FAM83B: variants seen among roughly 807,000 people sequenced by gnomAD.
FAM83B encodes the protein scaffolding CK1 anchoring protein B, also known as protein FAM83B.
FAM83B carries 26 observed loss-of-function variants against 38.8 expected under a neutral mutation model. That is an observed-to-expected ratio of 0.67 (90% CI 0.49 to 0.93). The LOEUF is 0.93. Among genes scored for constraint, FAM83B ranks in the 40% least tolerant of loss-of-function variants. The pLI is 0.00. For synonymous variants in FAM83B, 419 were observed against 423.1 expected, an observed-to-expected ratio of 0.99 and a Z score of 0.12; for missense variants, 1,237 against 1,197.3, an observed-to-expected ratio of 1.03 and a Z score of -0.49.
intron 2 of FAM83B, among the ~76,000 whole-genome samples, chr6:54,886,613 G>A (rs1772281287): frequency 6.6e-6 from 1 of 151,860 alleles, no homozygotes; most frequent in African/African-American, 2.4e-5. Context: ...TGTTGGATTT[G>A]TGATGATGTT....
intron 2 of FAM83B, among the ~76,000 whole-genome samples, chr6:54,904,351 C>T (rs949437973): frequency 6.6e-6 from 1 of 152,080 alleles, no homozygotes; most frequent in African/African-American, 2.4e-5. Flanking sequence ...TTCTAAGGTA[C>T]CTGTGGAGTG....
rs76764667 is a variant in FAM83B at position 54,938,512 on chromosome 6, C to T, written c.735-1194C>T. ...GTGTAAAAATGTTCTCTTTTCACCA[C>T]ATGCATGCCAATGTCTATTAGTTTT... is the stretch of plus-strand genomic sequence containing the variant. On this transcript the variant is annotated intron_variant, in intron 4 of 4. Coordinates refer to ENST00000306858, the MANE Select transcript of FAM83B (RefSeq NM_001010872.3). Among the ~76,000 whole-genome samples, 260 of 152,236 alleles carry T rather than the reference C, an allele frequency of 1.7e-3. 1 individual carries two copies. The highest frequency in any genetic ancestry group is 5.6e-3 in the African/African-American group (234 of 41,558).
rs1187668130 is a variant in FAM83B, at chr6:54,941,208, T to G, written c.2237T>G (p.Val746Gly). The part of the protein sequence containing the change: ...KSVSIAALLD[V>G]NKEESNKELA... ...GTTTCCATTGCTGCTTTACTTGATG[T>G]GAATAAAGAGGAATCTAACAAAGAA... is the stretch of plus-strand genomic sequence containing the variant. The change falls in exon 5 of 5, where the codon GTG (valine) becomes GGG (glycine). Residue 746 changes from valine (V) to glycine (G), a missense_variant. Coordinates refer to ENST00000306858, the MANE Select transcript of FAM83B (RefSeq NM_001010872.3). The G allele has an allele frequency of 3.1e-6, 5 of 1,613,936 alleles. No homozygotes were observed. The highest frequency in any genetic ancestry group is 4.2e-6 in the Non-Finnish European group (5 of 1,179,966).
At chr6:54,883,683 A>AT (rs1214355743) in intron 2 of FAM83B, among the ~76,000 whole-genome samples, 3 of 151,100 alleles carry the variant, frequency 2.0e-5, no homozygotes, top group Admixed American at 6.6e-5. Context: ...ATTTGAAATA[A>AT]TTTTTTATGC....
rs370292018 is a variant in FAM83B, at chr6:54,940,088, C to T, written c.1117C>T (p.Arg373Cys). ...VPNFNGPNAI[R>C]QFQPNQINEN... ...TAACTTTAATGGTCCAAACGCAATA[C>T]GTCAGTTTCAACCCAATCAGATAAA... Residue 373 changes from arginine (R) to cysteine (C), a missense_variant, in exon 5 of 5, where the codon CGT becomes TGT. Arg to Cys is a radical substitution (Grantham distance 180). Coordinates refer to ENST00000306858, the MANE Select transcript of FAM83B (RefSeq NM_001010872.3). 33 of 1,613,836 alleles carry T rather than the reference C, an allele frequency of 2.0e-5. No homozygotes were observed. Among genetic ancestry groups the T allele is most frequent in the Non-Finnish European group, 2.5e-5 (30 of 1,179,996 alleles).
chr6:54,940,379 A>T lies in FAM83B; in HGVS notation c.1408A>T (p.Thr470Ser), dbSNP rs1423261404. ...NSNVRRSFNG[T>S]DNHIRFLQQR... ...AAATGTTCGGAGGTCTTTTAATGGG[A>T]CAGATAACCATATCCGCTTTTTGCA... Residue 470 changes from threonine (T) to serine (S), a missense_variant, in exon 5 of 5, where the codon ACA (threonine) becomes TCA (serine). By Grantham distance (58) the Thr-to-Ser change is moderately conservative. Coordinates refer to ENST00000306858, the MANE Select transcript of FAM83B (RefSeq NM_001010872.3). The T allele has an allele frequency of 6.2e-7, 1 of 1,614,098 alleles. No individual in the cohort carries two copies. Among genetic ancestry groups the T allele is most frequent in the Non-Finnish European group, 8.5e-7 (1 of 1,180,004 alleles).
chr6:54,914,199 T>C (rs1207330020), intron 2 of FAM83B, among the ~76,000 whole-genome samples: 1 of 152,156 alleles, frequency 6.6e-6, no homozygotes, highest in Non-Finnish European at 1.5e-5. Context: ...CCAATGGGTG[T>C]GTTCCTGTGA....
intron 2 of FAM83B, among the ~76,000 whole-genome samples, chr6:54,879,982 C>CT (rs1772090864): frequency 6.6e-6 from 1 of 152,116 alleles, no homozygotes; most frequent in South Asian, 2.1e-4. Flanking sequence ...AAGGAAAGTC[C>CT]TTTTTTGTTT....
intron 4 of FAM83B, among the ~76,000 whole-genome samples, chr6:54,933,314 T>C (rs1405625034): frequency 2.6e-5 from 4 of 152,132 alleles, no homozygotes; most frequent in Non-Finnish European, 5.9e-5. Context: ...TTATAGTTTA[T>C]CTTTGTTGAT....
At chr6:54,892,818 A>G (rs1581905945) in intron 2 of FAM83B, among the ~76,000 whole-genome samples, 1 of 152,216 alleles carries the variant, frequency 6.6e-6, no homozygotes, top group Non-Finnish European at 1.5e-5. Context: ...GGTGGAGCCA[A>G]TTGTCTCCCT....
At chr6:54,897,153 A>G (rs1772556999) in intron 2 of FAM83B, among the ~76,000 whole-genome samples, 1 of 151,930 alleles carries the variant, frequency 6.6e-6, no homozygotes, top group African/African-American at 2.4e-5. Flanking sequence ...GGCCACTCTC[A>G]CAACAAACCT....
intron 2 of FAM83B, among the ~76,000 whole-genome samples, chr6:54,884,481 C>CAAA (rs769913282): frequency 4.8e-4 from 34 of 71,102 alleles, no homozygotes; most frequent in South Asian, 2.2e-3. Flanking sequence ...GACTCTGTCT[C>CAAA]AAAAAAAAAA....
chr6:54,901,028 A>T lies in FAM83B; in HGVS notation c.445-25343A>T, dbSNP rs184872909. Among the ~76,000 whole-genome samples the T allele has an allele frequency of 9.3e-4, 142 of 152,322 alleles. 1 individual carries two copies. The highest frequency in any genetic ancestry group is 2.1e-3 in the African/African-American group (89 of 41,588). ...ACATGATTGCTCTTTGACACTATAA[A>T]AATGTTGTGTTACTGACAACAAAAG... On this transcript the variant is annotated intron_variant, in intron 2 of 4. Transcript: ENST00000306858.
chr6:54,874,842 A>G (rs975516280), intron 2 of FAM83B, among the ~76,000 whole-genome samples: 1 of 152,108 alleles, frequency 6.6e-6, no homozygotes, highest in African/African-American at 2.4e-5. Flanking sequence ...TGCGCTCTAT[A>G]CCACATTACC....
rs13211183 is a variant in FAM83B, at chr6:54,940,200, A to G, written c.1229A>G (p.Asn410Ser). ...LLLNRALNRT[N>S]NPPGNWKKPS... is the part of the protein sequence containing the mutation. ...CTTAATAGGGCTCTGAATAGAACCA[A>G]TAATCCACCTGGTAATTGGAAAAAG... The change falls in exon 5 of 5, where the codon AAT (asparagine) becomes AGT (serine). Residue 410 changes from asparagine (N) to serine (S), a missense_variant. Coordinates refer to ENST00000306858, the MANE Select transcript of FAM83B (RefSeq NM_001010872.3). 0.011 allele frequency: 17,457 copies of G among 1,614,074 alleles called. 191 individuals are homozygous for G. The highest frequency in any genetic ancestry group is 0.046 in the African/African-American group (3,451 of 75,006).
rs182667992 is a variant in FAM83B, at chr6:54,903,958, A to G, written c.445-22413A>G. Among the ~76,000 whole-genome samples, 356 of 151,974 alleles carry G rather than the reference A, an allele frequency of 2.3e-3. 5 individuals are homozygous for G. The highest frequency in any genetic ancestry group is 7.1e-3 in the African/African-American group (295 of 41,462). ...CTCCTCCTCACTAAGATTTCATGGC[A>G]ACCCTTATCCATTATGGCTGGGAGA... is the stretch of plus-strand genomic sequence containing the variant. On this transcript the variant is annotated intron_variant, in intron 2 of 4. Transcript: ENST00000306858.
rs568752546 is a variant in FAM83B at position 54,858,097 on chromosome 6, C to T, written c.-61+11271C>T. ...AGTCATTCATGGATGTAAGACTGGA[C>T]GGGATTATTCTGGGAGAGTAAAGAG... On this transcript the variant is annotated intron_variant, in intron 1 of 4. Transcript: ENST00000306858. Among the ~76,000 whole-genome samples the T allele has an allele frequency of 5.3e-5, 8 of 152,188 alleles. No homozygotes were observed. In the South Asian group the frequency reaches 1.4e-3, roughly 28 times the overall value.
At chr6:54,927,728 TAAA>T (rs1049777485) in intron 4 of FAM83B, 96 bp downstream of exon 4, 346 of 99,070 alleles carry the variant, frequency 3.5e-3, no homozygotes, top group Middle Eastern at 0.013. Context: ...TTCTTAAAAG[TAAA>T]AAAAAAAAAA....
intron 1 of FAM83B, among the ~76,000 whole-genome samples, chr6:54,864,024 G>A (rs1771646788): frequency 6.6e-6 from 1 of 152,096 alleles, no homozygotes; most frequent in Non-Finnish European, 1.5e-5. Flanking sequence ...TTTGGAATTT[G>A]AGCATTCAGT....
Sources: allele counts gnomAD v4.1 joint callset (sites outside exome capture counted in the v4.1 genomes callset), GRCh38; gene constraint gnomAD v4.1.1; transcripts MANE v1.5; gene names NCBI Gene and HGNC (gene_info 2026-07-23, HGNC 2026-07-21).